Variants in RPS6KL1 observed in about 807,000 individuals in gnomAD.
The protein encoded by RPS6KL1 is ribosomal protein S6 kinase-like 1.
RPS6KL1 carries 41 observed loss-of-function variants against 57.0 expected under a neutral mutation model. That is an observed-to-expected ratio of 0.72 (90% CI 0.56 to 0.93). The LOEUF (loss-of-function observed/expected upper bound fraction) is 0.93, where lower values mean the gene tolerates loss of function less well. Among genes scored for constraint, RPS6KL1 ranks in the 40% least tolerant of loss-of-function variants. The pLI is 0.00. For missense variants in RPS6KL1, 697 were observed against 727.7 expected (o/e 0.96, Z 0.49); for synonymous variants, 287 against 309.7 (o/e 0.93, Z 0.77).
At position 74,907,070 on chromosome 14, in the gene RPS6KL1, T is replaced by G; in HGVS notation, c.1594A>C (p.Lys532Gln). The G allele has an allele frequency of 6.2e-7, 1 of 1,613,878 alleles. No individual in the cohort carries two copies. The highest frequency in any genetic ancestry group is 1.1e-5 in the South Asian group (1 of 90,996). Reference sequence around the variant, plus strand: ...CTGAAAAAGGGATGGGACTTGAGTTTGCTGACACCACCTTCTCCCATGCCC... The same window carrying G: ...CTGAAAAAGGGATGGGACTTGAGTTGGCTGACACCACCTTCTCCCATGCCC... ...RLGMGEGGVS[K>Q]LKSHPFFSTI... is the part of the protein sequence containing the mutation. Residue 532 changes from lysine (K) to glutamine (Q), a missense_variant, in exon 12 of 12, where the codon AAA (lysine) becomes CAA (glutamine). Coordinates refer to ENST00000557413, the MANE Select transcript of RPS6KL1 (RefSeq NM_031464.5).
At chr14:74,916,100 G>A (rs976777768) in intron 5 of RPS6KL1, among the ~76,000 whole-genome samples, 14 of 152,182 alleles carry the variant, frequency 9.2e-5, no homozygotes, top group Non-Finnish European at 1.6e-4. Flanking sequence ...GCATCATCCC[G>A]AGCAAGCCCT....
chr14:74,919,664 A>G (rs1887465913), intron 4 of RPS6KL1, among the ~76,000 whole-genome samples, 181 bp downstream of exon 4: 1 of 152,186 alleles, frequency 6.6e-6, no homozygotes, highest in African/African-American at 2.4e-5. Flanking sequence ...GGCGTGGGAG[A>G]GAGAGGAAGC....
chr14:74,922,452 G>T lies in RPS6KL1; in HGVS notation c.-495C>A. The T allele has an allele frequency of 4.0e-6, 2 of 504,812 alleles. No homozygotes were observed. The highest frequency in any genetic ancestry group is 5.1e-6 in the Non-Finnish European group (2 of 389,692). The allele number at this position is 504,812 out of a possible 1,614,324, so 31.3% of individuals were successfully genotyped here. Reference sequence around the variant, plus strand: ...CGAGTGAGGACCCCTCCTGGAGCCAGCAGAGAGCAGAGCACAGAGCTGGGC... The same window carrying T: ...CGAGTGAGGACCCCTCCTGGAGCCATCAGAGAGCAGAGCACAGAGCTGGGC... On this transcript the variant is annotated 5_prime_UTR_variant, in exon 2 of 12. The change creates a new upstream start codon in the 5' untranslated region. Coordinates refer to ENST00000557413, the MANE Select transcript of RPS6KL1 (RefSeq NM_031464.5).
intron 10 of RPS6KL1, among the ~76,000 whole-genome samples, chr14:74,907,940 A>G (rs960066747): frequency 6.6e-5 from 10 of 152,180 alleles, no homozygotes; most frequent in Non-Finnish European, 1.2e-4. Context: ...CGGCGTGGCA[A>G]TAAAAGAAAA....
At chr14:74,914,320 G>C (rs190627290) in intron 5 of RPS6KL1, among the ~76,000 whole-genome samples, 1 of 152,334 alleles carries the variant, frequency 6.6e-6, no homozygotes, top group Non-Finnish European at 1.5e-5. Flanking sequence ...TGACACCCCA[G>C]ATAATTCCCC....
At chr14:74,921,203 C>G in intron 3 of RPS6KL1, 74 bp downstream of exon 3, 5 of 1,350,966 alleles carry the variant, frequency 3.7e-6, no homozygotes, top group Non-Finnish European at 5.2e-6. Flanking sequence ...GGGGACAAGA[C>G]AGATGGGTGA....
Position 74,921,474 on chromosome 14 carries a change from C to T in RPS6KL1, c.68G>A (p.Arg23Gln), listed in dbSNP as rs367696271. The change falls in exon 3 of 12, where the codon CGG becomes CAG. Residue 23 changes from arginine (R) to glutamine (Q), a missense_variant. Arg to Gln is a conservative substitution (Grantham distance 43, BLOSUM62 1). Transcript: ENST00000557413. ...CTCCAGGTACACGTGAGCTTGGGACCGTGCTCGTGAGCAAGGCTCAGGCTC... is the reference window on the plus strand; with the variant it reads ...CTCCAGGTACACGTGAGCTTGGGACTGTGCTCGTGAGCAAGGCTCAGGCTC... ...GLEPEPCSRA[R>Q]SQAHVYLEQI... 11 of 1,613,982 alleles carry T rather than the reference C, an allele frequency of 6.8e-6. No homozygotes were observed. The highest frequency in any genetic ancestry group is 1.6e-4 in the Middle Eastern group (1 of 6,084).
Position 74,906,517 on chromosome 14 carries a change from G to A in RPS6KL1, c.*497C>T, listed in dbSNP as rs752762599. ...CCAGCTGCACGAACAGCTTCTGGTG[G>A]AAGAGGCCTACTCGCTGTGTGACTA... On this transcript the variant is annotated 3_prime_UTR_variant, in exon 12 of 12. Coordinates refer to ENST00000557413, the MANE Select transcript of RPS6KL1 (RefSeq NM_031464.5). 7.9e-6 allele frequency: 4 copies of A among 503,264 alleles called. No homozygotes were observed. Among genetic ancestry groups the A allele is most frequent in the Non-Finnish European group, 1.2e-5 (3 of 243,134 alleles). The allele number at this position is 503,264 out of a possible 1,614,324, so 31.2% of individuals were successfully genotyped here.
Position 74,909,642 on chromosome 14 carries a change from G to GCTT in RPS6KL1, c.1168_1170dup (p.Lys390dup). 1 of 1,611,162 alleles carries GCTT rather than the reference G, an allele frequency of 6.2e-7. No individual in the cohort carries two copies. The highest frequency in any genetic ancestry group is 8.5e-7 in the Non-Finnish European group (1 of 1,179,942). On this transcript the variant is annotated inframe_insertion, in exon 8 of 12. Coordinates refer to ENST00000557413, the MANE Select transcript of RPS6KL1 (RefSeq NM_031464.5). ...GCTACCAGCATCTCTGCCGCCCACT[G>GCTT]CTTCACCTGCTCCTCTCTCACACTC...
At chr14:74,917,591 C>T (rs899208093) in intron 5 of RPS6KL1, among the ~76,000 whole-genome samples, 3 of 152,212 alleles carry the variant, frequency 2.0e-5, no homozygotes, top group Non-Finnish European at 4.4e-5. Flanking sequence ...ACTGGCTGGA[C>T]TCTGATTTGA....
At chr14:74,916,423 G>A (rs1444092353) in intron 5 of RPS6KL1, among the ~76,000 whole-genome samples, 1 of 152,204 alleles carries the variant, frequency 6.6e-6, no homozygotes, top group African/African-American at 2.4e-5. Flanking sequence ...ACTGGCTCAC[G>A]CCTGTAATCC....
rs201234753 is a variant in RPS6KL1, at chr14:74,911,815, G to A, written c.510C>T (p.Thr170=). 52 of 1,553,674 alleles carry A rather than the reference G, an allele frequency of 3.3e-5. No individual in the cohort carries two copies. The East Asian group carries it at 7.6e-4, about 23-fold the overall frequency. The part of the protein sequence containing the change: ...EKVQLVQDPA[T]GGTFVVKSLP... ...CTGCCTTCACCACAAAGGTCCCTCCGGTTGCCGGGTCCTGGACCAGCTGCA... is the reference window on the plus strand; with the variant it reads ...CTGCCTTCACCACAAAGGTCCCTCCAGTTGCCGGGTCCTGGACCAGCTGCA... Residue 170 remains threonine (T), a synonymous_variant, in exon 6 of 12, where the codon ACC becomes ACT. Coordinates refer to ENST00000557413, the MANE Select transcript of RPS6KL1 (RefSeq NM_031464.5).
intron 10 of RPS6KL1, among the ~76,000 whole-genome samples, chr14:74,908,168 G>A (rs77803048): frequency 0.011 from 1,669 of 152,288 alleles, 32 homozygotes; most frequent in African/African-American, 0.037. Flanking sequence ...GAGCCTGGAT[G>A]GACTGGTCAG....
rs1233188031 is a variant in RPS6KL1 at position 74,904,426 on chromosome 14, T to G, written c.*2588A>C. On this transcript the variant is annotated 3_prime_UTR_variant, in exon 12 of 12. Transcript: ENST00000557413. The stretch of plus-strand genomic sequence containing the variant: ...GGGAGTATAATGAGGAATGGCTGGC[T>G]CCCTCTTCCCACCATGGCCCGAACT... The G allele has an allele frequency of 6.6e-6, 1 of 152,182 alleles. No individual in the cohort carries two copies. The highest frequency in any genetic ancestry group is 2.4e-5 in the African/African-American group (1 of 41,440). The allele number at this position is 152,182 out of a possible 1,614,324, so 9.4% of individuals were successfully genotyped here.
In RPS6KL1 at chr14:74,911,235, C is replaced by T; in HGVS notation, c.664+13G>A. The T allele has an allele frequency of 1.2e-6, 2 of 1,610,322 alleles. No homozygotes were observed. The highest frequency in any genetic ancestry group is 1.7e-6 in the Non-Finnish European group (2 of 1,179,912). ...GGCCTGGGGAGCTGACAGGGGGCCCCAGGCCTGCTCACCTTGCACATGCTC... is the reference window on the plus strand; with the variant it reads ...GGCCTGGGGAGCTGACAGGGGGCCCTAGGCCTGCTCACCTTGCACATGCTC... On this transcript the variant is annotated intron_variant, in intron 7 of 11. Coordinates refer to ENST00000557413, the MANE Select transcript of RPS6KL1 (RefSeq NM_031464.5).
chr14:74,909,310 A>C (rs60635665), intron 8 of RPS6KL1, 120 bp from the exon 9 acceptor site: 107,657 of 1,102,376 alleles, frequency 0.098, 7,012 homozygotes, highest in African/African-American at 0.3. Flanking sequence ...CTGGGCAGAA[A>C]CTCGGCAGGG....
Position 74,906,386 on chromosome 14 carries a change from G to A in RPS6KL1, c.*628C>T, listed in dbSNP as rs1884817096. ...TCCCAAGTCTGAAATCACAAGATAGGGGGCATGGTCAGGAATCGGGGGTGG... is the reference window on the plus strand; with the variant it reads ...TCCCAAGTCTGAAATCACAAGATAGAGGGCATGGTCAGGAATCGGGGGTGG... On this transcript the variant is annotated 3_prime_UTR_variant, in exon 12 of 12. Coordinates refer to ENST00000557413, the MANE Select transcript of RPS6KL1 (RefSeq NM_031464.5). 1 of 346,176 alleles carries A rather than the reference G, an allele frequency of 2.9e-6. No individual in the cohort carries two copies. Among genetic ancestry groups the A allele is most frequent in the African/African-American group, 2.3e-5 (1 of 42,874 alleles). 21.4% of individuals were successfully genotyped at this position (346,176 alleles called of 1,614,324 possible).
At position 74,907,019 on chromosome 14, in the gene RPS6KL1, C is replaced by A; in HGVS notation, c.1645G>T (p.Gly549Trp). 1 of 1,609,290 alleles carries A rather than the reference C, an allele frequency of 6.2e-7. No homozygotes were observed. Among genetic ancestry groups the A allele is most frequent in the East Asian group, 2.2e-5 (1 of 44,860 alleles). Reference protein sequence around the residue: ...FSTIQWSKLVG With the variant: ...FSTIQWSKLVW ...CCGTCACCCGCTCTGCCCTCTTACC[C>A]CACCAGCTTGCTCCATTGGATGGTA... is the stretch of plus-strand genomic sequence containing the variant. Residue 549 changes from glycine (G) to tryptophan (W), a missense_variant, in exon 12 of 12, where the codon GGG becomes TGG. Coordinates refer to ENST00000557413, the MANE Select transcript of RPS6KL1 (RefSeq NM_031464.5).
At chr14:74,921,207 T>C (rs1887770728) in intron 3 of RPS6KL1, 70 bp downstream of exon 3, 2 of 1,373,788 alleles carry the variant, frequency 1.5e-6, no homozygotes, top group African/African-American at 1.4e-5. Flanking sequence ...ACAAGACAGA[T>C]GGGTGACAGG....
Sources: allele counts gnomAD v4.1 joint callset (sites outside exome capture counted in the v4.1 genomes callset), GRCh38; gene constraint gnomAD v4.1.1; transcripts MANE v1.5; gene names NCBI Gene and HGNC (gene_info 2026-07-23, HGNC 2026-07-21).